Variants in RNLS observed in about 807,000 individuals in gnomAD.
RNLS encodes the protein renalase.
RNLS carries 39 observed loss-of-function variants against 39.8 expected under a neutral mutation model. The ratio of observed to expected loss-of-function variants is 0.98; its 90% CI spans 0.76 to 1.28. The LOEUF is 1.28. Among genes scored for constraint, RNLS ranks in the 50% most tolerant of loss-of-function variants. RNLS has a pLI of 0.00. For missense variants in RNLS, 410 were observed against 413.3 expected (o/e 0.99, Z 0.07); for synonymous variants, 147 against 150.7 (o/e 0.98, Z 0.18).
chr10:88,543,666 C>T (rs558139854), intron 4 of RNLS, among the ~76,000 whole-genome samples: 25 of 152,144 alleles, frequency 1.6e-4, no homozygotes, highest in East Asian at 7.7e-4. Context: ...AAAAAAACTT[C>T]GTATGTCTCA....
At chr10:88,531,420 A>C (rs778138255) in intron 4 of RNLS, among the ~76,000 whole-genome samples, 2 of 151,874 alleles carry the variant, frequency 1.3e-5, no homozygotes, top group Non-Finnish European at 2.9e-5. Context: ...CATTTGAAAA[A>C]CCCCCGTTAG....
the RNLS span, among the ~76,000 whole-genome samples, chr10:88,244,737 T>G: frequency 3.3e-5 from 5 of 152,086 alleles, no homozygotes; most frequent in African/African-American, 1.2e-4. Flanking sequence ...ACACACTGTG[T>G]AAATGGGCCA....
At chr10:88,309,358 C>A in intron 6 of RNLS, 1 of 1,223,054 alleles carries the variant, frequency 8.2e-7, no homozygotes, top group Non-Finnish European at 1.1e-6. Flanking sequence ...CCTGACTTTT[C>A]AATGCTGAAA....
the RNLS span, among the ~76,000 whole-genome samples, chr10:88,225,134 TAC>T: frequency 6.6e-6 from 1 of 152,254 alleles, no homozygotes; most frequent in Non-Finnish European, 1.5e-5. Context: ...TTTCAGTTTC[TAC>T]ACCCACTAAA....
chr10:88,352,885 A>G (rs978375875), intron 5 of RNLS, among the ~76,000 whole-genome samples: 3 of 152,150 alleles, frequency 2.0e-5, no homozygotes, highest in Non-Finnish European at 2.9e-5. Flanking sequence ...AGAGCCTGTT[A>G]TTGGTCTATT....
intron 4 of RNLS, among the ~76,000 whole-genome samples, chr10:88,455,076 G>C (rs1381021068): frequency 6.6e-6 from 1 of 152,128 alleles, no homozygotes; most frequent in Non-Finnish European, 1.5e-5. Context: ...CAGACTAGTA[G>C]CTAGAGAAGC....
intron 5 of RNLS, among the ~76,000 whole-genome samples, chr10:88,347,720 T>C (rs1200826747): frequency 6.6e-6 from 1 of 152,048 alleles, no homozygotes; most frequent in Non-Finnish European, 1.5e-5. Flanking sequence ...AGCAAACAAG[T>C]TTAAAATCTA....
At chr10:88,208,959 A>G in the RNLS span, among the ~76,000 whole-genome samples, 1 of 152,170 alleles carries the variant, frequency 6.6e-6, no homozygotes, top group East Asian at 1.9e-4. Context: ...GAGTGGTTTA[A>G]GTAAAGTTTT....
At chr10:88,329,120 TAC>T (rs1846883357) in intron 5 of RNLS, among the ~76,000 whole-genome samples, 1 of 151,748 alleles carries the variant, frequency 6.6e-6, no homozygotes, top group Admixed American at 6.6e-5. Flanking sequence ...AGGTTTGAAG[TAC>T]AGTGGTGCAA....
chr10:88,521,127 T>A (rs896491239), intron 4 of RNLS, among the ~76,000 whole-genome samples: 1 of 151,996 alleles, frequency 6.6e-6, no homozygotes, highest in Non-Finnish European at 1.5e-5. Context: ...CTTTTAGGAG[T>A]TTCTAAAAAT....
At chr10:88,283,095 G>C (rs927161254), downstream of RNLS, among the ~76,000 whole-genome samples, 2 of 152,128 alleles carry the variant, frequency 1.3e-5, no homozygotes, top group Non-Finnish European at 2.9e-5. Flanking sequence ...AGGGGAGTTT[G>C]ATATCTTAGC....
the RNLS span, among the ~76,000 whole-genome samples, chr10:88,219,882 C>T: frequency 2.6e-5 from 4 of 152,236 alleles, no homozygotes; most frequent in African/African-American, 9.6e-5. Flanking sequence ...TGCTCCTGAG[C>T]TCCTTTGCCC....
rs183248890 is a variant in RNLS at position 88,444,508 on chromosome 10, C to T, written c.527-81783G>A. ...CGAGTTGAGAGAAGAAGGCTTCAGACGATCAAACTTCTCCAAGCTAAAGGA... is the reference window on the plus strand; with the variant it reads ...CGAGTTGAGAGAAGAAGGCTTCAGATGATCAAACTTCTCCAAGCTAAAGGA... On this transcript the variant is annotated intron_variant, in intron 4 of 6. Coordinates refer to ENST00000331772, the MANE Select transcript of RNLS (RefSeq NM_001031709.3). Among the ~76,000 whole-genome samples the T allele has an allele frequency of 8.6e-3, 1,307 of 151,860 alleles. 7 individuals carry two copies. Among genetic ancestry groups the T allele is most frequent in the Middle Eastern group, 0.051 (15 of 294 alleles).
intron 4 of RNLS, among the ~76,000 whole-genome samples, chr10:88,520,306 G>A (rs1325903): frequency 0.36 from 55,331 of 151,774 alleles, 11,316 homozygotes; most frequent in African/African-American, 0.55. Flanking sequence ...AGTATCACTC[G>A]CAACAATTAT....
intron 4 of RNLS, among the ~76,000 whole-genome samples, chr10:88,425,126 AG>A (rs1247042818): frequency 6.6e-6 from 1 of 152,134 alleles, no homozygotes; most frequent in Non-Finnish European, 1.5e-5. Context: ...AAAGTTTTGA[AG>A]GGGAGGAAGG....
At chr10:88,206,714 C>A in the RNLS span, among the ~76,000 whole-genome samples, 135,819 of 152,134 alleles carry the variant, frequency 0.89, 60,780 homozygotes, top group Middle Eastern at 0.93. Flanking sequence ...TTTTCATCTC[C>A]CGAGAACTCC....
At chr10:88,190,501 T>A in the RNLS span, among the ~76,000 whole-genome samples, 1 of 152,202 alleles carries the variant, frequency 6.6e-6, no homozygotes, top group Non-Finnish European at 1.5e-5. Context: ...GAAGGGTAGA[T>A]TAACTCAGTT....
At chr10:88,472,015 G>A (rs1044612027) in intron 4 of RNLS, among the ~76,000 whole-genome samples, 1 of 152,116 alleles carries the variant, frequency 6.6e-6, no homozygotes, top group African/African-American at 2.4e-5. Context: ...CATGGTCCAA[G>A]GCCTCAGGCA....
At chr10:88,344,614 T>G (rs972048267) in intron 5 of RNLS, among the ~76,000 whole-genome samples, 1 of 152,142 alleles carries the variant, frequency 6.6e-6, no homozygotes, top group Admixed American at 6.6e-5. Context: ...AGGCATTTTA[T>G]TTTTAATAAA....
Sources: gnomAD v4.1 joint callset for allele counts (sites outside exome capture counted in the v4.1 genomes callset) on GRCh38, gnomAD v4.1.1 for gene constraint, MANE v1.5 for transcripts, NCBI Gene and HGNC (gene_info 2026-07-23, HGNC 2026-07-21) for gene names.